Variants in KLRB1 observed in about 807,000 individuals in gnomAD.
KLRB1 encodes killer cell lectin like receptor B1.
Under a neutral mutation model 33.5 loss-of-function variants are expected in KLRB1, and 27 were observed. That is an observed-to-expected ratio of 0.81 (90% CI 0.59 to 1.11). The LOEUF is 1.11. Among genes scored for constraint, KLRB1 ranks in the 50% most tolerant of loss-of-function variants. The pLI, the probability that KLRB1 is intolerant of heterozygous loss-of-function variation, is 0.00. For missense variants in KLRB1, 241 were observed against 254.1 expected (o/e 0.95, Z 0.35); for synonymous variants, 64 against 88.9 (o/e 0.72, Z 1.58).
chr12:9,606,705 ATAAAATATATAAAATATAT>A (rs1864604945), intron 1 of KLRB1, among the ~76,000 whole-genome samples: 1 of 72,412 alleles, frequency 1.4e-5, no homozygotes, highest in Non-Finnish European at 2.9e-5. Flanking sequence ...ATATATATAT[ATAAAATATATAAAATATAT>A]GTATAAAAAG....
Position 9,607,278 on chromosome 12 carries a change from C to T in KLRB1, c.85+477G>A, listed in dbSNP as rs115751289. 3.3e-3 allele frequency among the ~76,000 whole-genome samples: 81 copies of T among 24,504 alleles called. 1 individual carries two copies. Among genetic ancestry groups the T allele is most frequent in the African/African-American group, 6.0e-3 (64 of 10,604 alleles). The allele number at this position is 24,504 out of a possible 152,430, so 16.1% of individuals were successfully genotyped here. A position where few individuals can be genotyped will look rare whatever the true frequency, so the allele number is the denominator to read the frequency against. On this transcript the variant is annotated intron_variant, in intron 1 of 5. Coordinates refer to ENST00000229402, the MANE Select transcript of KLRB1 (RefSeq NM_002258.3). ...TTTTTCTTTCTTTCCTTTCCTTTCTCTCTCTTTCTTTTTCTTTCTCTCCTT... is the reference window on the plus strand; with the variant it reads ...TTTTTCTTTCTTTCCTTTCCTTTCTTTCTCTTTCTTTTTCTTTCTCTCCTT...
At chr12:9,607,412 T>TCTTTCTTTCTTTCTTTCTTTCTTTC (rs1565444769) in intron 1 of KLRB1, among the ~76,000 whole-genome samples, 3 of 145,288 alleles carry the variant, frequency 2.1e-5, no homozygotes, top group Non-Finnish European at 4.6e-5. Flanking sequence ...TTCTTTTCTT[T>TCTTTCTTTCTTTCTTTCTTTCTTTC]CTTTCTTTCT....
At chr12:9,606,906 G>T (rs1864612444) in intron 1 of KLRB1, among the ~76,000 whole-genome samples, 1 of 151,064 alleles carries the variant, frequency 6.6e-6, no homozygotes, top group Non-Finnish European at 1.5e-5. Context: ...ACAGGCACGT[G>T]CCCCACACTT....
At chr12:9,603,200 T>C (rs761047596) in intron 1 of KLRB1, among the ~76,000 whole-genome samples, 1 of 152,286 alleles carries the variant, frequency 6.6e-6, no homozygotes, top group East Asian at 1.9e-4. Flanking sequence ...CTTGGTAATA[T>C]TGGCCTAGAA....
intron 1 of KLRB1, among the ~76,000 whole-genome samples, chr12:9,606,691 G>GTATATA (rs56320334): frequency 6.8e-5 from 5 of 73,348 alleles, no homozygotes; most frequent in African/African-American, 4.6e-4. Context: ...TGTATAAAAA[G>GTATATA]TATATATATA....
At chr12:9,606,741 TATATA>T (rs1565444195) in intron 1 of KLRB1, among the ~76,000 whole-genome samples, 2 of 23,550 alleles carry the variant, frequency 8.5e-5, no homozygotes, top group Admixed American at 6.4e-4. Context: ...AAAGTATATA[TATATA>T]TATATATATA....
At chr12:9,597,123 A>G (rs1370450946) in intron 5 of KLRB1, among the ~76,000 whole-genome samples, 1 of 152,176 alleles carries the variant, frequency 6.6e-6, no homozygotes, top group Non-Finnish European at 1.5e-5. Flanking sequence ...TTAATAAATT[A>G]TCTTAGGATA....
rs376145419 is a variant in KLRB1, at chr12:9,598,690, A to G, written c.260-37T>C. The G allele has an allele frequency of 4.6e-6, 7 of 1,513,756 alleles. No individual in the cohort carries two copies. In the African/African-American group the frequency reaches 9.7e-5, roughly 21 times the overall value. 93.8% of individuals were successfully genotyped at this position (1,513,756 alleles called of 1,614,324 possible). ...AACAGAAATAAGAAATAAATGTTAT[A>G]TTTCTAACCTATCCCTGACACACCA... is the stretch of plus-strand genomic sequence containing the variant. On this transcript the variant is annotated intron_variant, in intron 3 of 5. Coordinates refer to ENST00000229402, the MANE Select transcript of KLRB1 (RefSeq NM_002258.3).
At chr12:9,604,279 A>C (rs16907843) in intron 1 of KLRB1, among the ~76,000 whole-genome samples, 8,581 of 152,212 alleles carry the variant, frequency 0.056, 795 homozygotes, top group African/African-American at 0.19. Flanking sequence ...ATGTGAAATC[A>C]TCTCATTTCA....
In KLRB1 at chr12:9,607,282, CTT is replaced by C. The variant is rs1448113646; in HGVS notation, c.85+471_85+472del. ...TCTTTCTTTCCTTTCCTTTCTCTCT[CTT>C]TCTTTTTCTTTCTCTCCTTTCTTTC... On this transcript the variant is annotated intron_variant, in intron 1 of 5. Coordinates refer to ENST00000229402, the MANE Select transcript of KLRB1 (RefSeq NM_002258.3). 9.5e-4 allele frequency among the ~76,000 whole-genome samples: 36 copies of C among 37,896 alleles called. 1 individual carries two copies. The highest frequency in any genetic ancestry group is 2.2e-3 in the African/African-American group (30 of 13,776). 24.9% of individuals were successfully genotyped at this position (37,896 alleles called of 152,430 possible).
At chr12:9,604,616 T>G (rs1194472938) in intron 1 of KLRB1, among the ~76,000 whole-genome samples, 2 of 152,166 alleles carry the variant, frequency 1.3e-5, no homozygotes, top group East Asian at 3.8e-4. Flanking sequence ...CCTAGAAGGC[T>G]TCTCTCTCAG....
Position 9,601,564 on chromosome 12 carries a change from G to A in KLRB1, c.121C>T (p.Leu41=). Residue 41 remains leucine, a synonymous_variant, in exon 2 of 6, where the codon CTG becomes TTG. Coordinates refer to ENST00000229402, the MANE Select transcript of KLRB1 (RefSeq NM_002258.3). ...ATAATCCCAGCACAGCTAAGTTTCA[G>A]GGCAAATTGATGCCAAGGTGAACCC... is the stretch of plus-strand genomic sequence containing the variant. The part of the protein sequence containing the change: ...CQGSPWHQFA[L]KLSCAGIILL... 6.2e-7 allele frequency: 1 copy of A among 1,613,660 alleles called. No homozygotes were observed. Among genetic ancestry groups the A allele is most frequent in the Non-Finnish European group, 8.5e-7 (1 of 1,179,712 alleles).
Position 9,601,577 on chromosome 12 carries a change from C to T in KLRB1, c.108G>A (p.Trp36Ter), listed in dbSNP as rs376673125. The change falls in exon 2 of 6, where the codon TGG (tryptophan) becomes TGA (stop). Residue 36 changes from tryptophan (W) to a stop codon, truncating the protein, a stop_gained. Coordinates refer to ENST00000229402, the MANE Select transcript of KLRB1 (RefSeq NM_002258.3). LOFTEE classifies it high-confidence loss of function. ...AGCTAAGTTTCAGGGCAAATTGATG[C>T]CAAGGTGAACCCTGACAGACATCTG... ...LPRDVCQGSP[W>*]HQFALKLSCA... 6.8e-6 allele frequency: 11 copies of T among 1,612,176 alleles called. No homozygotes were observed. Among genetic ancestry groups the T allele is most frequent in the African/African-American group, 1.3e-5 (1 of 74,802 alleles).
intron 1 of KLRB1, among the ~76,000 whole-genome samples, chr12:9,603,702 C>T (rs1477784002): frequency 2.6e-5 from 4 of 151,554 alleles, no homozygotes; most frequent in African/African-American, 9.7e-5. Flanking sequence ...TCCCAAAGTG[C>T]TGGGATTACA....
chr12:9,596,685 A>C (rs1864495141), intron 5 of KLRB1, among the ~76,000 whole-genome samples: 1 of 152,194 alleles, frequency 6.6e-6, no homozygotes, highest in South Asian at 2.1e-4. Context: ...TCCACTTTAC[A>C]CATATTTATG....
chr12:9,606,751 TATATATA>T lies in KLRB1; in HGVS notation c.85+997_85+1003del, dbSNP rs1255503879. On this transcript the variant is annotated intron_variant, in intron 1 of 5. Transcript: ENST00000229402. ...TATAAAAAGTATATATATATATATA[TATATATA>T]TATTTTTTTTTTTTTTTTGAGATAG... is the stretch of plus-strand genomic sequence containing the variant. Among the ~76,000 whole-genome samples the T allele has an allele frequency of 9.0e-5, 3 of 33,486 alleles. No individual in the cohort carries two copies. The Admixed American group carries it at 1.4e-3, about 16-fold the overall frequency. The allele number at this position is 33,486 out of a possible 152,430, so 22.0% of individuals were successfully genotyped here.
intron 1 of KLRB1, among the ~76,000 whole-genome samples, chr12:9,602,126 G>A (rs1864553081): frequency 6.6e-6 from 1 of 152,072 alleles, no homozygotes; most frequent in Non-Finnish European, 1.5e-5. Flanking sequence ...TCCAAGTTGG[G>A]TCTAAGCCAA....
intron 2 of KLRB1, among the ~76,000 whole-genome samples, chr12:9,601,005 C>T (rs1864535409): frequency 7.0e-6 from 1 of 142,528 alleles, no homozygotes; most frequent in East Asian, 2.0e-4. Flanking sequence ...GTATAAAACC[C>T]GATTGTATGC....
intron 1 of KLRB1, among the ~76,000 whole-genome samples, chr12:9,604,003 T>A (rs1347647946): frequency 2.0e-5 from 3 of 151,096 alleles, no homozygotes; most frequent in Non-Finnish European, 4.4e-5. Flanking sequence ...CAGCAGTTCT[T>A]TTTTTCTAAA....
Sources: gnomAD v4.1 joint callset for allele counts (sites outside exome capture counted in the v4.1 genomes callset) on GRCh38, gnomAD v4.1.1 for gene constraint, MANE v1.5 for transcripts, NCBI Gene and HGNC (gene_info 2026-07-23, HGNC 2026-07-21) for gene names.